CHID1: variants seen among roughly 807,000 people sequenced by gnomAD.
The protein encoded by CHID1 is chitinase domain-containing protein 1.
CHID1 carries 44 observed loss-of-function variants against 55.4 expected under a neutral mutation model. That is an observed-to-expected ratio of 0.79 (90% CI 0.62 to 1.02). The LOEUF (loss-of-function observed/expected upper bound fraction) is 1.02, where lower values mean the gene tolerates loss of function less well. CHID1 is among the 50% of genes least tolerant of loss of function. CHID1 has a pLI of 0.00. For synonymous variants in CHID1, 216 were observed against 212.9 expected (o/e 1.01, Z -0.13); for missense variants, 491 against 515.3 (o/e 0.95, Z 0.46).
Position 870,433 on chromosome 11 carries a change from G to A in CHID1, c.1026C>T (p.Phe342=). The A allele has an allele frequency of 1.2e-6, 2 of 1,611,458 alleles. No homozygotes were observed. Among genetic ancestry groups the A allele is most frequent in the East Asian group, 2.2e-5 (1 of 44,836 alleles). Residue 342 remains phenylalanine, a synonymous_variant, in exon 11 of 13, where the codon TTC becomes TTT. Coordinates refer to ENST00000323578, the MANE Select transcript of CHID1 (RefSeq NM_023947.4). ...AAAACACTCACTTCTTGTACTCGAA[G>A]AAGTGCTCTGAGGCCTGGCTGTCCC... ...MVWDSQASEH[F]FEYKKSRSGR...
At chr11:899,868 G>T (rs1313676646) in intron 6 of CHID1, 136 bp downstream of exon 6, 2 of 635,364 alleles carry the variant, frequency 3.1e-6, no homozygotes, top group East Asian at 2.7e-5. Context: ...TTCCCTGGAA[G>T]ATGGGGGCTG....
chr11:899,788 C>T (rs1226520076), intron 6 of CHID1, among the ~76,000 whole-genome samples: 1 of 152,244 alleles, frequency 6.6e-6, no homozygotes, highest in African/African-American at 2.4e-5. Flanking sequence ...ACAGGTCTCC[C>T]ATGCCTGGGA....
intron 8 of CHID1, among the ~76,000 whole-genome samples, chr11:885,035 G>A (rs1187194175): frequency 6.6e-6 from 1 of 152,246 alleles, no homozygotes; most frequent in African/African-American, 2.4e-5. Flanking sequence ...TCAACACCGA[G>A]GGGGCGGAGG....
At chr11:911,877 C>T (rs898164000), upstream of CHID1, among the ~76,000 whole-genome samples, 2 of 152,200 alleles carry the variant, frequency 1.3e-5, no homozygotes, top group African/African-American at 2.4e-5. Flanking sequence ...CGGCAGAGCT[C>T]TGGAGAGGGT....
intron 10 of CHID1, among the ~76,000 whole-genome samples, chr11:874,496 G>A (rs899054124): frequency 2.0e-5 from 3 of 152,124 alleles, no homozygotes; most frequent in African/African-American, 4.8e-5. Flanking sequence ...GTTCTGTCAC[G>A]AAGACTGGAA....
intron 6 of CHID1, among the ~76,000 whole-genome samples, 178 bp downstream of exon 6, chr11:899,826 C>T (rs1019109192): frequency 4.6e-5 from 7 of 152,242 alleles, no homozygotes; most frequent in Non-Finnish European, 7.3e-5. Flanking sequence ...GTCAAGAAAG[C>T]GAGCAGCAGC....
intron 4 of CHID1, among the ~76,000 whole-genome samples, chr11:901,756 G>C (rs909718060): frequency 1.3e-5 from 2 of 152,126 alleles, no homozygotes; most frequent in African/African-American, 4.8e-5. Context: ...GGAACACTCT[G>C]AGGCACCAAC....
At chr11:913,559 G>C (rs1852804759), upstream of CHID1, among the ~76,000 whole-genome samples, 1 of 152,082 alleles carries the variant, frequency 6.6e-6, no homozygotes, top group Non-Finnish European at 1.5e-5. Flanking sequence ...GATTGCCTGA[G>C]CTCAGGAGTT....
intron 10 of CHID1, among the ~76,000 whole-genome samples, chr11:881,863 G>A (rs901306866): frequency 3.3e-5 from 5 of 151,934 alleles, no homozygotes; most frequent in Admixed American, 1.3e-4. Context: ...AATTAGCGGG[G>A]CATGGTGGCA....
intron 10 of CHID1, among the ~76,000 whole-genome samples, chr11:878,080 A>G (rs911142319): frequency 2.6e-5 from 4 of 152,272 alleles, no homozygotes; most frequent in Non-Finnish European, 4.4e-5. Flanking sequence ...ACGCTCTCAC[A>G]GAACTGGCCA....
chr11:909,436 G>A (rs1456019097), intron 1 of CHID1, among the ~76,000 whole-genome samples: 5 of 152,322 alleles, frequency 3.3e-5, no homozygotes, highest in East Asian at 1.9e-4. Context: ...AAGGTGGAGC[G>A]CTACTGCTCC....
rs2134210488 is a variant in CHID1, at chr11:888,180, A to G, written c.702-4011T>C. Among the ~76,000 whole-genome samples, 3 of 152,360 alleles carry G rather than the reference A, an allele frequency of 2.0e-5. No individual in the cohort carries two copies. The South Asian group carries it at 6.2e-4, about 32-fold the overall frequency. ...ACAGCTGGGCACCAACCACGGCCGCAGGCTAAGAACGGTCCTCACGCTTTC... is the reference window on the plus strand; with the variant it reads ...ACAGCTGGGCACCAACCACGGCCGCGGGCTAAGAACGGTCCTCACGCTTTC... On this transcript the variant is annotated intron_variant, in intron 8 of 12. Coordinates refer to ENST00000323578, the MANE Select transcript of CHID1 (RefSeq NM_023947.4).
intron 8 of CHID1, among the ~76,000 whole-genome samples, chr11:890,528 A>G (rs1850726012): frequency 6.6e-6 from 1 of 152,184 alleles, no homozygotes; most frequent in South Asian, 2.1e-4. Flanking sequence ...CAGGAAGGAA[A>G]CCAGCCCTTC....
chr11:908,679 C>A, intron 1 of CHID1: 1 of 914,014 alleles, frequency 1.1e-6, no homozygotes, highest in Non-Finnish European at 1.3e-6. Context: ...AATGAAAAAC[C>A]AAACGGTGGT....
chr11:887,930 C>T (rs1050944843), intron 8 of CHID1, among the ~76,000 whole-genome samples: 1 of 152,228 alleles, frequency 6.6e-6, no homozygotes, highest in African/African-American at 2.4e-5. Context: ...GGATCTGGTT[C>T]CCACCAGCTA....
At chr11:885,990 T>C (rs1339217232) in intron 8 of CHID1, among the ~76,000 whole-genome samples, 5 of 151,118 alleles carry the variant, frequency 3.3e-5, no homozygotes, top group African/African-American at 9.7e-5. Context: ...CTACTAAAAA[T>C]ACAAAAAAAT....
At chr11:876,897 G>C (rs1849557325) in intron 10 of CHID1, among the ~76,000 whole-genome samples, 1 of 152,176 alleles carries the variant, frequency 6.6e-6, no homozygotes, top group African/African-American at 2.4e-5. Context: ...CACTCTAGGG[G>C]CCCCTGAGAC....
At chr11:909,619 C>T (rs1191951312) in intron 1 of CHID1, among the ~76,000 whole-genome samples, 1 of 152,232 alleles carries the variant, frequency 6.6e-6, no homozygotes, top group African/African-American at 2.4e-5. Context: ...ATGTGTTGTG[C>T]ATGTGTGTAC....
At chr11:897,870 C>G (rs1051177139) in intron 7 of CHID1, among the ~76,000 whole-genome samples, 2 of 151,982 alleles carry the variant, frequency 1.3e-5, no homozygotes, top group African/African-American at 4.8e-5. Context: ...ATCTGGGCAC[C>G]AGGATCCAGT....
Sources: allele counts gnomAD v4.1 joint callset (sites outside exome capture counted in the v4.1 genomes callset), GRCh38; gene constraint gnomAD v4.1.1; transcripts MANE v1.5; gene names NCBI Gene and HGNC (gene_info 2026-07-23, HGNC 2026-07-21).